GABRP: variants seen among roughly 807,000 people sequenced by gnomAD.
The protein encoded by GABRP is gamma-aminobutyric acid receptor subunit pi.
GABRP carries 52 observed loss-of-function variants against 47.8 expected under a neutral mutation model. The observed-to-expected ratio is 1.09, with a 90% CI of 0.87 to 1.37. The LOEUF (loss-of-function observed/expected upper bound fraction) is 1.37, where lower values mean the gene tolerates loss of function less well. GABRP is among the 40% of genes most tolerant of loss of function. The pLI is 0.00. For synonymous variants in GABRP, 221 were observed against 205.8 expected (o/e 1.07, Z -0.63); for missense variants, 525 against 542.8 (o/e 0.97, Z 0.33).
chr5:170,808,585 T>C lies in GABRP; in HGVS notation c.680-15T>C, dbSNP rs749808382. ...CGAACAGACACAATTTCCTATCTGT[T>C]GTTTACCCTTTCAGGAAATTACACT... On this transcript the variant is annotated splice_polypyrimidine_tract_variant and intron_variant, in intron 7 of 9. Coordinates refer to ENST00000265294, the MANE Select transcript of GABRP (RefSeq NM_014211.3). 2 of 1,611,852 alleles carry C rather than the reference T, an allele frequency of 1.2e-6. No individual in the cohort carries two copies. Among genetic ancestry groups the C allele is most frequent in the Non-Finnish European group, 1.7e-6 (2 of 1,178,462 alleles).
At chr5:170,788,505 AG>A in intron 1 of GABRP, 68 bp from the exon 2 acceptor site, 1 of 1,024,338 alleles carries the variant, frequency 9.8e-7, no homozygotes, top group Non-Finnish European at 1.5e-6. Flanking sequence ...CCCACCAGAG[AG>A]AGAGGCTGGC....
intron 6 of GABRP, among the ~76,000 whole-genome samples, chr5:170,800,329 A>G (rs914879604): frequency 1.3e-5 from 2 of 152,226 alleles, no homozygotes; most frequent in Non-Finnish European, 2.9e-5. Flanking sequence ...TACACCTTAT[A>G]TGAAAATTAA....
intron 8 of GABRP, among the ~76,000 whole-genome samples, chr5:170,809,332 C>A (rs765250751): frequency 1.3e-5 from 2 of 152,096 alleles, no homozygotes; most frequent in Admixed American, 6.5e-5. Context: ...ATATTTATCA[C>A]CCCCTCCCAG....
chr5:170,808,684 T>G lies in GABRP; in HGVS notation c.764T>G (p.Phe255Cys). The G allele has an allele frequency of 6.2e-7, 1 of 1,614,176 alleles. No homozygotes were observed. The highest frequency in any genetic ancestry group is 8.5e-7 in the Non-Finnish European group (1 of 1,180,004). The stretch of plus-strand genomic sequence containing the variant: ...TTGGAAACCTACGTTCCTTCCACTT[T>G]CCTGGTGGTGTTGTCCTGGGTTTCA... The part of the protein sequence containing the change: ...FILETYVPST[F>C]LVVLSWVSFW... The change falls in exon 8 of 10, where the codon TTC becomes TGC. Residue 255 changes from phenylalanine (F) to cysteine (C), a missense_variant. Physicochemically the swap from Phe to Cys is radical, Grantham distance 205. Coordinates refer to ENST00000265294, the MANE Select transcript of GABRP (RefSeq NM_014211.3).
At chr5:170,800,201 A>G (rs1238309101) in intron 6 of GABRP, among the ~76,000 whole-genome samples, 1 of 152,188 alleles carries the variant, frequency 6.6e-6, no homozygotes, top group Admixed American at 6.5e-5. Context: ...ATCTACAACT[A>G]TCTGATCTTT....
intron 1 of GABRP, among the ~76,000 whole-genome samples, chr5:170,786,359 A>G (rs1376129463): frequency 6.6e-6 from 1 of 152,244 alleles, no homozygotes; most frequent in East Asian, 1.9e-4. Context: ...CTAACATAAC[A>G]GAGAGCAGAA....
chr5:170,792,349 G>A (rs534845945), intron 3 of GABRP, among the ~76,000 whole-genome samples: 1 of 152,092 alleles, frequency 6.6e-6, no homozygotes, highest in Non-Finnish European at 1.5e-5. Context: ...GGCCGAAGCA[G>A]GAGAATCACT....
At chr5:170,785,542 G>A (rs1415096732) in intron 1 of GABRP, among the ~76,000 whole-genome samples, 1 of 152,198 alleles carries the variant, frequency 6.6e-6, no homozygotes, top group East Asian at 1.9e-4. Flanking sequence ...GGTAGGATGG[G>A]ATTACATTTC....
At chr5:170,808,230 G>A (rs1042101331) in intron 7 of GABRP, among the ~76,000 whole-genome samples, 1 of 152,116 alleles carries the variant, frequency 6.6e-6, no homozygotes, top group African/African-American at 2.4e-5. Context: ...GATGGTCACA[G>A]GTAATCTTCA....
chr5:170,799,193 G>A (rs568280417), intron 6 of GABRP, among the ~76,000 whole-genome samples: 1 of 152,182 alleles, frequency 6.6e-6, no homozygotes, highest in Admixed American at 6.5e-5. Flanking sequence ...TTGGACATTT[G>A]GCTTGGTTCC....
Position 170,788,574 on chromosome 5 carries a change from G to A in GABRP, c.-42G>A, listed in dbSNP as rs756618407. 1.2e-6 allele frequency: 2 copies of A among 1,609,812 alleles called. No homozygotes were observed. The highest frequency in any genetic ancestry group is 4.5e-5 in the East Asian group (2 of 44,852). On this transcript the variant is annotated splice_region_variant and 5_prime_UTR_variant, in exon 2 of 10. It adds an upstream start codon to the 5' untranslated region. Coordinates refer to ENST00000265294, the MANE Select transcript of GABRP (RefSeq NM_014211.3). The stretch of plus-strand genomic sequence containing the variant: ...ACTTACCTTGCCCCCTGTTTCCCAG[G>A]TGATTCCTACTTCAGCCCCTTGGTG...
intron 2 of GABRP, 98 bp downstream of exon 2, chr5:170,788,766 G>T: frequency 1.8e-6 from 2 of 1,136,094 alleles, no homozygotes; most frequent in Non-Finnish European, 2.7e-6. Context: ...CCACAGCAAG[G>T]CAAAACCCGG....
chr5:170,796,120 G>A (rs1765420501), intron 5 of GABRP, among the ~76,000 whole-genome samples: 1 of 152,214 alleles, frequency 6.6e-6, no homozygotes, highest in Admixed American at 6.5e-5. Context: ...AGGCCTTGGG[G>A]AGGAGGCCAG....
chr5:170,810,933 TC>T lies in GABRP; in HGVS notation c.1021-1017del, dbSNP rs368408186. Among the ~76,000 whole-genome samples, 26 of 151,312 alleles carry T rather than the reference TC, an allele frequency of 1.7e-4. No individual in the cohort carries two copies. In the East Asian group the frequency reaches 3.4e-3, roughly 20 times the overall value. On this transcript the variant is annotated intron_variant, in intron 9 of 9. Coordinates refer to ENST00000265294, the MANE Select transcript of GABRP (RefSeq NM_014211.3). ...GGAAGGAAGTTGAGTTACCTCCTCA[TC>T]CCCCCGCCCAAGAATCTGGATTTAC...
At chr5:170,800,337 T>G (rs2127259846) in intron 6 of GABRP, among the ~76,000 whole-genome samples, 2 of 152,282 alleles carry the variant, frequency 1.3e-5, no homozygotes, top group East Asian at 3.9e-4. Context: ...ATATGAAAAT[T>G]AATTCAAGAT....
At position 170,812,261 on chromosome 5, in the gene GABRP, C is replaced by A; in HGVS notation, c.*3C>A. 2 of 1,606,080 alleles carry A rather than the reference C, an allele frequency of 1.2e-6. No individual in the cohort carries two copies. Among genetic ancestry groups the A allele is most frequent in the South Asian group, 1.1e-5 (1 of 90,656 alleles). On this transcript the variant is annotated 3_prime_UTR_variant, in exon 10 of 10. Transcript: ENST00000265294. ...GGGCATACTACATGTATTTTTGAGT[C>A]AATGTTAAATTTCTTGCATGCCATA...
intron 6 of GABRP, among the ~76,000 whole-genome samples, chr5:170,799,336 G>C (rs1484315361): frequency 1.3e-5 from 2 of 152,162 alleles, no homozygotes; most frequent in African/African-American, 4.8e-5. Flanking sequence ...TCTAGTTCTA[G>C]ATCCCTGAGG....
intron 3 of GABRP, among the ~76,000 whole-genome samples, chr5:170,789,907 A>G (rs1219794136): frequency 1.3e-5 from 2 of 152,162 alleles, no homozygotes; most frequent in Non-Finnish European, 2.9e-5. Flanking sequence ...TCAATTTTCC[A>G]TCATGTCTCA....
At chr5:170,799,892 A>G (rs879327046) in intron 6 of GABRP, among the ~76,000 whole-genome samples, 13 of 152,218 alleles carry the variant, frequency 8.5e-5, no homozygotes, top group Non-Finnish European at 1.9e-4. Context: ...GGAAGAATCA[A>G]TATCGTGAAA....
Sources: allele counts gnomAD v4.1 joint callset (sites outside exome capture counted in the v4.1 genomes callset), GRCh38; gene constraint gnomAD v4.1.1; transcripts MANE v1.5; gene names NCBI Gene and HGNC (gene_info 2026-07-23, HGNC 2026-07-21).